The following THSD7A variants were observed in gnomAD, a reference collection of about 807,000 sequenced individuals.
The protein encoded by THSD7A is thrombospondin type-1 domain-containing protein 7A.
Under a neutral mutation model 231.3 loss-of-function variants are expected in THSD7A, and 96 were observed. The ratio of observed to expected loss-of-function variants is 0.41; its 90% CI spans 0.35 to 0.49. The LOEUF is 0.49. THSD7A is among the 20% of genes least tolerant of loss of function. The pLI is 0.05. For synonymous variants in THSD7A, 940 were observed against 743.3 expected (o/e 1.26, Z -4.30); for missense variants, 2,290 against 2,070.2 (o/e 1.11, Z -2.06).
intron 1 of THSD7A, among the ~76,000 whole-genome samples, chr7:11,722,186 A>C (rs765795875): frequency 2.0e-5 from 3 of 151,844 alleles, no homozygotes; most frequent in Admixed American, 6.6e-5. Flanking sequence ...GGTTAACTTT[A>C]AAGCAAGAAT....
rs1786751209 is a variant in THSD7A, at chr7:11,488,399, C to T, written c.1823-6417G>A. Reference sequence around the variant, plus strand: ...TTCATATAACCATCTTATCTGAACTCTCTAACAACCATAAGGTATGTAGGT... The same window carrying T: ...TTCATATAACCATCTTATCTGAACTTTCTAACAACCATAAGGTATGTAGGT... On this transcript the variant is annotated intron_variant, in intron 6 of 27. Transcript: ENST00000423059. 2.0e-5 allele frequency among the ~76,000 whole-genome samples: 3 copies of T among 152,208 alleles called. No individual in the cohort carries two copies. The South Asian group carries it at 6.2e-4, about 32-fold the overall frequency.
At chr7:11,657,922 T>A (rs1365855595) in intron 1 of THSD7A, among the ~76,000 whole-genome samples, 1 of 151,760 alleles carries the variant, frequency 6.6e-6, no homozygotes, top group African/African-American at 2.4e-5. Flanking sequence ...TTTACATTCC[T>A]GTGTGAGTTA....
intron 6 of THSD7A, among the ~76,000 whole-genome samples, chr7:11,531,594 C>T (rs761556910): frequency 2.0e-5 from 3 of 152,290 alleles, no homozygotes; most frequent in Non-Finnish European, 2.9e-5. Flanking sequence ...TTCTCAAATT[C>T]GCATAGGGCT....
intron 1 of THSD7A, among the ~76,000 whole-genome samples, chr7:11,827,681 C>A (rs558542900): frequency 1.1e-4 from 16 of 152,198 alleles, no homozygotes; most frequent in African/African-American, 3.9e-4. Flanking sequence ...TTGAAATATA[C>A]ATTTATTGAG....
At chr7:11,687,170 T>C (rs904971226) in intron 1 of THSD7A, among the ~76,000 whole-genome samples, 1 of 151,930 alleles carries the variant, frequency 6.6e-6, no homozygotes, top group Non-Finnish European at 1.5e-5. Flanking sequence ...AATGCCTTAC[T>C]TGCCTCACCT....
At chr7:11,732,537 A>G (rs1179744525) in intron 1 of THSD7A, among the ~76,000 whole-genome samples, 1 of 151,852 alleles carries the variant, frequency 6.6e-6, no homozygotes, top group African/African-American at 2.4e-5. Flanking sequence ...AATGAATTGT[A>G]TTTTACACTG....
chr7:11,559,585 G>A (rs1789994926), intron 4 of THSD7A, among the ~76,000 whole-genome samples: 2 of 151,660 alleles, frequency 1.3e-5, no homozygotes, highest in Admixed American at 1.3e-4. Context: ...AACATGGGAA[G>A]TAGTGTAATA....
In THSD7A at chr7:11,444,579, A is replaced by C. The variant is rs1052437692; in HGVS notation, c.3064+1482T>G. On this transcript the variant is annotated intron_variant, in intron 13 of 27. Transcript: ENST00000423059. The surrounding 1 kb of genome is among the most constrained non-coding windows in gnomAD (Gnocchi z 4.2). ...AGAACACATGGGCACAGGGAGGGGAACATCACACACCGGGGTCTGTCAGGG... is the reference window on the plus strand; with the variant it reads ...AGAACACATGGGCACAGGGAGGGGACCATCACACACCGGGGTCTGTCAGGG... 7.2e-5 allele frequency among the ~76,000 whole-genome samples: 11 copies of C among 151,950 alleles called. No individual in the cohort carries two copies. The highest frequency in any genetic ancestry group is 7.2e-4 in the Admixed American group (11 of 15,222).
At chr7:11,456,696 A>C (rs937996299) in intron 11 of THSD7A, among the ~76,000 whole-genome samples, 4 of 151,998 alleles carry the variant, frequency 2.6e-5, no homozygotes, top group Non-Finnish European at 5.9e-5. Flanking sequence ...GTCTGTCCTA[A>C]CTACTCAATT....
At chr7:11,523,185 T>C (rs1447731652) in intron 6 of THSD7A, among the ~76,000 whole-genome samples, 2 of 152,074 alleles carry the variant, frequency 1.3e-5, no homozygotes, top group Non-Finnish European at 2.9e-5. Flanking sequence ...AAGCATTATA[T>C]AAAAACGATT....
intron 13 of THSD7A, among the ~76,000 whole-genome samples, chr7:11,439,653 C>A (rs1784741446): frequency 6.6e-6 from 1 of 151,968 alleles, no homozygotes; most frequent in African/African-American, 2.4e-5. Context: ...AATACCAAAC[C>A]AGTCAGAACA....
intron 1 of THSD7A, among the ~76,000 whole-genome samples, chr7:11,827,798 C>T (rs1258051620): frequency 2.0e-5 from 3 of 152,176 alleles, no homozygotes; most frequent in Non-Finnish European, 4.4e-5. Flanking sequence ...CTACCTCAAG[C>T]TCAGTATATC....
chr7:11,700,456 T>C (rs1407957872), intron 1 of THSD7A, among the ~76,000 whole-genome samples: 1 of 151,218 alleles, frequency 6.6e-6, no homozygotes, highest in Non-Finnish European at 1.5e-5. Flanking sequence ...TCAAGTCTAA[T>C]GCAAAAATTA....
At chr7:11,473,058 G>T (rs1294199870) in intron 8 of THSD7A, among the ~76,000 whole-genome samples, 2 of 152,018 alleles carry the variant, frequency 1.3e-5, no homozygotes, top group South Asian at 2.1e-4. Flanking sequence ...TTGGTTTGAG[G>T]TTACCTATTA....
intron 11 of THSD7A, among the ~76,000 whole-genome samples, chr7:11,451,229 T>C (rs1785132905): frequency 6.6e-6 from 1 of 151,958 alleles, no homozygotes; most frequent in Admixed American, 6.6e-5. Flanking sequence ...ACGAACCAAA[T>C]GCAACGTGGA....
rs1780113423 is a variant in THSD7A at position 11,590,505 on chromosome 7, T to C, written c.1408A>G (p.Asn470Asp). 1 of 1,613,116 alleles carries C rather than the reference T, an allele frequency of 6.2e-7. No individual in the cohort carries two copies. The highest frequency in any genetic ancestry group is 1.7e-5 in the Admixed American group (1 of 59,740). Reference sequence around the variant, plus strand: ...CTTAATTGTGAGAGGAGGTTTTCGTTGGCCTGCACGCAGTACACCTCTCGG... The same window carrying C: ...CTTAATTGTGAGAGGAGGTTTTCGTCGGCCTGCACGCAGTACACCTCTCGG... ...QTREVYCVQA[N>D]ENLLSQLSTH... The change falls in exon 4 of 28, where the codon AAC (asparagine) becomes GAC (aspartate). Residue 470 changes from asparagine (N) to aspartate (D), a missense_variant. By Grantham distance (23) the Asn-to-Asp change is conservative. Transcript: ENST00000423059. The surrounding 1 kb of genome is among the most constrained non-coding windows in gnomAD (Gnocchi z 4.4).
At chr7:11,729,605 G>A (rs991321015) in intron 1 of THSD7A, among the ~76,000 whole-genome samples, 3 of 151,800 alleles carry the variant, frequency 2.0e-5, no homozygotes, top group Admixed American at 1.3e-4. Context: ...ACTACAGGTT[G>A]TTTTGTTGGT....
At chr7:11,776,056 C>T (rs954056711) in intron 1 of THSD7A, among the ~76,000 whole-genome samples, 6 of 152,082 alleles carry the variant, frequency 3.9e-5, no homozygotes, top group Non-Finnish European at 1.5e-5. Flanking sequence ...GAGTAGGTTT[C>T]CTTTGTGGAC....
intron 1 of THSD7A, among the ~76,000 whole-genome samples, chr7:11,698,689 G>A (rs1780477167): frequency 6.6e-6 from 1 of 151,342 alleles, no homozygotes. Context: ...GTTCTGGGCT[G>A]ATTCTACTTA....
Sources: gnomAD v4.1 joint callset for allele counts (sites outside exome capture counted in the v4.1 genomes callset) on GRCh38, gnomAD v4.1.1 for gene constraint, Gnocchi (gnomAD v3.1) non-coding constraint, MANE v1.5 for transcripts, NCBI Gene and HGNC (gene_info 2026-07-23, HGNC 2026-07-21) for gene names.